GREB1L: variants seen among roughly 807,000 people sequenced by gnomAD.
The protein encoded by GREB1L is GREB1-like protein.
A neutral mutation model predicts 200.8 loss-of-function variants in GREB1L; 17 were observed. The ratio of observed to expected loss-of-function variants is 0.08; its 90% confidence interval spans 0.06 to 0.13. The LOEUF is 0.13. Ranked by LOEUF, GREB1L falls within the 10% of genes least tolerant of loss-of-function variation. GREB1L has a pLI of 1.00. For synonymous variants in GREB1L, 789 were observed against 893.0 expected (o/e 0.88, Z 2.08); for missense variants, 1,657 against 2,367.7 (o/e 0.70, Z 6.23).
Position 21,444,373 on chromosome 18 carries a change from A to G in GREB1L, c.1357A>G (p.Met453Val). ...CAGCCAATTTCTGAGCGTGGAAAACATGATTCTTCTGACGATACAGTATCT... is the reference window on the plus strand; with the variant it reads ...CAGCCAATTTCTGAGCGTGGAAAACGTGATTCTTCTGACGATACAGTATCT... ...TGSQFLSVEN[M>V]ILLTIQYLVR... is the part of the protein sequence containing the mutation. The change falls in exon 11 of 33, where the codon ATG becomes GTG. Residue 453 changes from methionine (M) to valine (V), a missense_variant. Met to Val is a conservative substitution (Grantham distance 21, BLOSUM62 1). This residue lies in a region of GREB1L where 289 missense variants were observed against 345.1 expected (regional missense o/e 0.84). Transcript: ENST00000424526. 6.4e-7 allele frequency: 1 copy of G among 1,552,396 alleles called. No individual in the cohort carries two copies.
chr18:21,485,017 A>G (rs2036075113), intron 17 of GREB1L, among the ~76,000 whole-genome samples: 1 of 152,190 alleles, frequency 6.6e-6, no homozygotes, highest in African/African-American at 2.4e-5. Flanking sequence ...ACACTTCTCA[A>G]GATCCTCTGA....
chr18:21,293,245 A>C (rs1171501294), intron 1 of GREB1L, among the ~76,000 whole-genome samples: 1 of 152,182 alleles, frequency 6.6e-6, no homozygotes, highest in Admixed American at 6.5e-5. Flanking sequence ...ACCCTCTCAC[A>C]TGAGAGGGAT....
chr18:21,288,147 CT>C (rs1254666114), intron 1 of GREB1L, among the ~76,000 whole-genome samples: 1 of 152,094 alleles, frequency 6.6e-6, no homozygotes, highest in East Asian at 1.9e-4. Flanking sequence ...AATATTATTA[CT>C]TTTTCCCCCA....
chr18:21,461,638 C>T (rs1036002782), intron 15 of GREB1L, among the ~76,000 whole-genome samples: 37 of 152,210 alleles, frequency 2.4e-4, no homozygotes, highest in African/African-American at 8.7e-4. Context: ...CCCAGCTTTT[C>T]TCCCACTGTG....
chr18:21,418,020 A>G (rs1219507791), intron 7 of GREB1L, among the ~76,000 whole-genome samples: 2 of 152,018 alleles, frequency 1.3e-5, no homozygotes, highest in Non-Finnish European at 2.9e-5. Context: ...ACCACTGAAA[A>G]TAGTAACTGC....
chr18:21,256,785 C>T (rs1431096983), intron 1 of GREB1L, among the ~76,000 whole-genome samples: 1 of 152,024 alleles, frequency 6.6e-6, no homozygotes, highest in Non-Finnish European at 1.5e-5. Flanking sequence ...GCAGGCAGAT[C>T]ACTTGAGGTC....
At chr18:21,470,121 A>G (rs1488477796) in intron 15 of GREB1L, among the ~76,000 whole-genome samples, 3 of 151,470 alleles carry the variant, frequency 2.0e-5, no homozygotes, top group Non-Finnish European at 4.4e-5. Flanking sequence ...CCCCATTTCT[A>G]TTAAAAAAAA....
chr18:21,288,025 T>G (rs1467406834), intron 1 of GREB1L, among the ~76,000 whole-genome samples: 2 of 152,042 alleles, frequency 1.3e-5, no homozygotes, highest in African/African-American at 4.8e-5. Flanking sequence ...GGATGGTCTC[T>G]ATCTCCTGAC....
rs2037123169 is a variant in GREB1L, at chr18:21,508,782, C to T, written c.4735+191C>T. 6 of 609,112 alleles carry T rather than the reference C, an allele frequency of 9.9e-6. No homozygotes were observed. In the South Asian group the frequency reaches 1.0e-4, roughly 10 times the overall value. The allele number at this position is 609,112 out of a possible 1,614,324, so 37.7% of individuals were successfully genotyped here. A position where few individuals can be genotyped will look rare whatever the true frequency, so the allele number is the denominator to read the frequency against. ...TGAGTTTTCTTTTTCCCTTTATCTG[C>T]ACTTTTGCAGAATTAACTCTGAGGA... On this transcript the variant is annotated intron_variant, in intron 27 of 32. Transcript: ENST00000424526.
At chr18:21,507,399 G>C (rs1463853205) in intron 25 of GREB1L, among the ~76,000 whole-genome samples, 1 of 152,080 alleles carries the variant, frequency 6.6e-6, no homozygotes, top group Non-Finnish European at 1.5e-5. Flanking sequence ...TAAAACCATT[G>C]GGAAACCTAC....
chr18:21,496,400 A>G, intron 20 of GREB1L, 54 bp from the exon 21 acceptor site: 2 of 1,535,838 alleles, frequency 1.3e-6, no homozygotes, highest in East Asian at 2.4e-5. Context: ...GCACACATAC[A>G]CACTGCGTGC....
chr18:21,321,312 A>T (rs1332063328), intron 1 of GREB1L, among the ~76,000 whole-genome samples: 1 of 152,052 alleles, frequency 6.6e-6, no homozygotes, highest in African/African-American at 2.4e-5. Flanking sequence ...TAAATAAAAT[A>T]AAATCTTAAG....
chr18:21,456,588 CAT>C (rs1472101492), intron 15 of GREB1L, among the ~76,000 whole-genome samples: 3 of 152,128 alleles, frequency 2.0e-5, no homozygotes, highest in African/African-American at 4.8e-5. Context: ...CTGTGACTGA[CAT>C]GTGAAGTTTT....
At chr18:21,350,415 T>C (rs1383930320) in intron 1 of GREB1L, among the ~76,000 whole-genome samples, 1 of 151,914 alleles carries the variant, frequency 6.6e-6, no homozygotes, top group African/African-American at 2.4e-5. Flanking sequence ...TTTTTTGTAT[T>C]TTTAGTAGAC....
At chr18:21,408,794 CAAAAAA>C (rs58262799) in intron 7 of GREB1L, among the ~76,000 whole-genome samples, 1 of 73,616 alleles carries the variant, frequency 1.4e-5, no homozygotes, top group Non-Finnish European at 2.5e-5. Context: ...AATTCCATCT[CAAAAAA>C]AAAAAAAAAA....
chr18:21,257,444 G>C (rs1237508234), intron 1 of GREB1L, among the ~76,000 whole-genome samples: 3 of 152,146 alleles, frequency 2.0e-5, no homozygotes, highest in Non-Finnish European at 4.4e-5. Flanking sequence ...AATTGTATCA[G>C]AATTGTTTCA....
chr18:21,505,941 G>A lies in GREB1L; in HGVS notation c.4360G>A (p.Ala1454Thr). Residue 1454 changes from alanine to threonine, a missense_variant, in exon 25 of 33, where the codon GCC (alanine) becomes ACC (threonine). Ala to Thr is a moderately conservative substitution (Grantham distance 58, BLOSUM62 0). Transcript: ENST00000424526. Reference sequence around the variant, plus strand: ...CCGCCAGTACATGGACTTCACCTCTGCCTCCCAGGTACCATCCCACCTTCG... The same window carrying A: ...CCGCCAGTACATGGACTTCACCTCTACCTCCCAGGTACCATCCCACCTTCG... The part of the protein sequence containing the change: ...QCRQYMDFTS[A>T]SQMSDSTLHA... 6.4e-7 allele frequency: 1 copy of A among 1,551,528 alleles called. No homozygotes were observed. Among genetic ancestry groups the A allele is most frequent in the Non-Finnish European group, 8.7e-7 (1 of 1,146,752 alleles).
rs2040176861 is a variant in GREB1L, at chr18:21,378,648, T to G, written c.-9-4862T>G. Among the ~76,000 whole-genome samples the G allele has an allele frequency of 2.0e-5, 3 of 152,230 alleles. No individual in the cohort carries two copies. The South Asian group carries it at 6.2e-4, about 32-fold the overall frequency. On this transcript the variant is annotated intron_variant, in intron 2 of 32. Transcript: ENST00000424526. ...CCTTGGCCTCCCAAAGTGCTGGGAT[T>G]ACAGGCGTGAGCCACCGCACCTAGC...
intron 1 of GREB1L, among the ~76,000 whole-genome samples, chr18:21,277,055 A>G (rs189200638): frequency 6.6e-6 from 1 of 151,570 alleles, no homozygotes; most frequent in East Asian, 2.0e-4. Flanking sequence ...CAGCCTCCCA[A>G]GTAGCTGGGA....
Sources: gnomAD v4.1 joint callset for allele counts (sites outside exome capture counted in the v4.1 genomes callset) on GRCh38, gnomAD v4.1.1 for gene constraint, gnomAD v4.1.1 regional missense constraint, MANE v1.5 for transcripts, NCBI Gene and HGNC (gene_info 2026-07-23, HGNC 2026-07-21) for gene names.